SORCS3: variants seen among roughly 807,000 people sequenced by gnomAD.
SORCS3 encodes the protein sortilin related VPS10 domain containing receptor 3, also known as VPS10 domain-containing receptor SorCS3.
Under a neutral mutation model 146.3 loss-of-function variants are expected in SORCS3, and 57 were observed. That is an observed-to-expected ratio of 0.39 (90% CI 0.31 to 0.49). SORCS3 has a LOEUF of 0.49. SORCS3 is among the 20% of genes least tolerant of loss of function. The probability of loss-of-function intolerance (pLI) is 0.92; values close to 1 mark genes in which losing one functional copy is unlikely to be tolerated. For missense variants in SORCS3, 1,341 were observed against 1,575.5 expected, an observed-to-expected ratio of 0.85 and a Z score of 2.52; for synonymous variants, 653 against 618.5, an observed-to-expected ratio of 1.06 and a Z score of -0.83.
chr10:105,049,717 C>T (rs374315614), intron 5 of SORCS3, among the ~76,000 whole-genome samples: 2 of 152,108 alleles, frequency 1.3e-5, no homozygotes, highest in Admixed American at 6.6e-5. Context: ...AACATAGGAA[C>T]AGAAGACCAA....
chr10:104,728,805 C>T (rs2016672326), intron 1 of SORCS3, among the ~76,000 whole-genome samples: 1 of 152,088 alleles, frequency 6.6e-6, no homozygotes. Flanking sequence ...TGGTGGAAGT[C>T]CAGGCTCACT....
At chr10:105,242,123 T>C (rs1380137059) in intron 20 of SORCS3, among the ~76,000 whole-genome samples, 3 of 151,584 alleles carry the variant, frequency 2.0e-5, no homozygotes, top group African/African-American at 4.8e-5. Context: ...GAAAAAGTTA[T>C]TGCAATTTCT....
intron 4 of SORCS3, among the ~76,000 whole-genome samples, chr10:104,980,106 A>T (rs1422872159): frequency 6.6e-6 from 1 of 152,222 alleles, no homozygotes; most frequent in African/African-American, 2.4e-5. Context: ...ATGCATTCAA[A>T]ATACTTTCAG....
rs572387709 is a variant in SORCS3, at chr10:104,890,447, C to T, written c.696-25386C>T. Among the ~76,000 whole-genome samples, 507 of 152,058 alleles carry T rather than the reference C, an allele frequency of 3.3e-3. 2 individuals are homozygous for T. Among genetic ancestry groups the T allele is most frequent in the South Asian group, 0.018 (88 of 4,814 alleles). ...ATTGCTGTGTTTTCAATTTCATTTA[C>T]CTTTTCCTTGTAATGTCTAATCTGT... On this transcript the variant is annotated intron_variant, in intron 2 of 26. Transcript: ENST00000369701.
intron 1 of SORCS3, among the ~76,000 whole-genome samples, chr10:104,748,153 A>G (rs887136874): frequency 6.6e-6 from 1 of 152,210 alleles, no homozygotes; most frequent in African/African-American, 2.4e-5. Context: ...CTCTGATGTC[A>G]TGTGGTCTGA....
chr10:105,069,696 A>C, intron 5 of SORCS3, among the ~76,000 whole-genome samples: 1 of 152,154 alleles, frequency 6.6e-6, no homozygotes, highest in East Asian at 1.9e-4. Context: ...ATGTTGTCCC[A>C]AGGTAATTCT....
At chr10:104,984,224 A>G (rs1316406238) in intron 4 of SORCS3, among the ~76,000 whole-genome samples, 1 of 152,238 alleles carries the variant, frequency 6.6e-6, no homozygotes, top group Non-Finnish European at 1.5e-5. Flanking sequence ...ATATTAGAGA[A>G]CTAGACTAAA....
intron 1 of SORCS3, among the ~76,000 whole-genome samples, chr10:104,797,827 A>C (rs1427898911): frequency 6.6e-6 from 1 of 152,176 alleles, no homozygotes; most frequent in African/African-American, 2.4e-5. Context: ...AAAGATAAGA[A>C]TCTTGGGAGA....
At chr10:104,687,057 G>A in intron 1 of SORCS3, among the ~76,000 whole-genome samples, 1 of 150,996 alleles carries the variant, frequency 6.6e-6, no homozygotes, top group East Asian at 1.9e-4. Flanking sequence ...ATCCATCCAT[G>A]TATGCATCCA....
chr10:105,072,879 C>T (rs1337641106), intron 5 of SORCS3, among the ~76,000 whole-genome samples: 1 of 152,022 alleles, frequency 6.6e-6, no homozygotes, highest in Non-Finnish European at 1.5e-5. Flanking sequence ...ATGGCAGGCA[C>T]GTAGTGAGTA....
chr10:104,720,435 A>G (rs543472664), intron 1 of SORCS3, among the ~76,000 whole-genome samples: 2 of 152,238 alleles, frequency 1.3e-5, no homozygotes, highest in African/African-American at 2.4e-5. Context: ...CACAATAAAC[A>G]TAAGTGTGCA....
chr10:104,899,750 A>C (rs970489575), intron 2 of SORCS3, among the ~76,000 whole-genome samples: 3 of 152,216 alleles, frequency 2.0e-5, no homozygotes, highest in African/African-American at 7.2e-5. Context: ...TATCTTGAAC[A>C]TCTTGCCATC....
Position 104,711,414 on chromosome 10 carries a change from C to A in SORCS3, c.627+69460C>A, listed in dbSNP as rs189109866. ...AGAGCTGTCAGCTTAGTGCTCTTATCTTTACATGAGAAAACTGAGGCTGGA... is the reference window on the plus strand; with the variant it reads ...AGAGCTGTCAGCTTAGTGCTCTTATATTTACATGAGAAAACTGAGGCTGGA... On this transcript the variant is annotated intron_variant, in intron 1 of 26. Coordinates refer to ENST00000369701, the MANE Select transcript of SORCS3 (RefSeq NM_014978.3). Among the ~76,000 whole-genome samples, 165 of 152,312 alleles carry A rather than the reference C, an allele frequency of 1.1e-3. 1 individual carries two copies. Among genetic ancestry groups the A allele is most frequent in the Admixed American group, 8.8e-3 (135 of 15,298 alleles).
chr10:104,729,938 T>C (rs1201939164), intron 1 of SORCS3, among the ~76,000 whole-genome samples: 1 of 152,244 alleles, frequency 6.6e-6, no homozygotes, highest in Non-Finnish European at 1.5e-5. Context: ...TCAGTTTTCT[T>C]ATCAGTAAAA....
intron 1 of SORCS3, among the ~76,000 whole-genome samples, chr10:104,796,720 C>G (rs2017561070): frequency 6.6e-6 from 1 of 152,154 alleles, no homozygotes; most frequent in Admixed American, 6.5e-5. Flanking sequence ...GAAGGTGGCA[C>G]ATGAATAATT....
At chr10:105,168,266 A>G (rs2056331339) in intron 13 of SORCS3, among the ~76,000 whole-genome samples, 1 of 152,192 alleles carries the variant, frequency 6.6e-6, no homozygotes, top group Admixed American at 6.5e-5. Context: ...AGATTATGAA[A>G]TGGAGCTGAC....
At chr10:104,874,749 A>G (rs10509776) in intron 2 of SORCS3, among the ~76,000 whole-genome samples, 13,503 of 152,122 alleles carry the variant, frequency 0.089, 786 homozygotes, top group South Asian at 0.27. Flanking sequence ...ATCTCATCAT[A>G]TTCTTTACCA....
chr10:105,125,659 C>A (rs1441530573), intron 7 of SORCS3, among the ~76,000 whole-genome samples: 1 of 108,658 alleles, frequency 9.2e-6, no homozygotes, highest in African/African-American at 3.9e-5. Context: ...TTAAAACATG[C>A]ATGTTGCATC....
intron 4 of SORCS3, among the ~76,000 whole-genome samples, chr10:105,002,158 T>A (rs2133673638): frequency 6.6e-6 from 1 of 152,218 alleles, no homozygotes; most frequent in Non-Finnish European, 1.5e-5. Context: ...AGCCTCTGAT[T>A]TTGGCCCACT....
Sources: gnomAD v4.1 joint callset for allele counts (sites outside exome capture counted in the v4.1 genomes callset) on GRCh38, gnomAD v4.1.1 for gene constraint, MANE v1.5 for transcripts, NCBI Gene and HGNC (gene_info 2026-07-23, HGNC 2026-07-21) for gene names.